JAM3: variants seen among roughly 807,000 people sequenced by gnomAD.
JAM3 encodes the protein junctional adhesion molecule 3.
In JAM3, 31 loss-of-function variants were observed where a neutral mutation model predicts 39.4. That is an observed-to-expected ratio of 0.79 (90% CI 0.59 to 1.06). JAM3 has a LOEUF of 1.06. Among genes scored for constraint, JAM3 ranks in the 50% least tolerant of loss-of-function variants. The pLI, the probability that JAM3 is intolerant of heterozygous loss-of-function variation, is 0.00. For synonymous variants in JAM3, 182 were observed against 148.7 expected (o/e 1.22, Z -1.63); for missense variants, 455 against 391.4 (o/e 1.16, Z -1.37).
At chr11:134,092,291 A>G (rs1941876934) in intron 1 of JAM3, among the ~76,000 whole-genome samples, 1 of 151,598 alleles carries the variant, frequency 6.6e-6, no homozygotes, top group Admixed American at 6.6e-5. Context: ...CTTATTCATC[A>G]TGTTCCACCT....
chr11:134,144,945 C>T lies in JAM3; in HGVS notation c.563C>T (p.Pro188Leu), dbSNP rs755105692. ...VPLPTDSRAN[P>L]RFRNSSFHLN... ...CTGCCCACGGATTCCAGAGCCAATC[C>T]CAGATTTCGCAATTCTTCTTTCCAC... The change falls in exon 5 of 9, where the codon CCC (proline) becomes CTC (leucine). Residue 188 changes from proline to leucine, a missense_variant. Transcript: ENST00000299106. The T allele has an allele frequency of 1.2e-6, 2 of 1,614,170 alleles. No individual in the cohort carries two copies. Among genetic ancestry groups the T allele is most frequent in the Admixed American group, 3.3e-5 (2 of 60,028 alleles).
intron 1 of JAM3, among the ~76,000 whole-genome samples, chr11:134,096,424 G>A (rs1285768677): frequency 6.6e-6 from 1 of 152,196 alleles, no homozygotes; most frequent in Non-Finnish European, 1.5e-5. Context: ...ATCTGGTTGA[G>A]ACAAACAATA....
chr11:134,074,624 A>G (rs1435874188), intron 1 of JAM3, among the ~76,000 whole-genome samples: 1 of 152,132 alleles, frequency 6.6e-6, no homozygotes. Flanking sequence ...AGCTGCCGAG[A>G]TTACCGGCCT....
intron 1 of JAM3, among the ~76,000 whole-genome samples, chr11:134,089,900 A>G (rs371806316): frequency 1.3e-5 from 2 of 151,934 alleles, no homozygotes; most frequent in South Asian, 2.1e-4. Flanking sequence ...TTCCACAATG[A>G]TTGAACTAGT....
intron 1 of JAM3, among the ~76,000 whole-genome samples, chr11:134,138,994 A>G (rs1016398529): frequency 2.0e-5 from 3 of 152,150 alleles, no homozygotes; most frequent in African/African-American, 7.2e-5. Context: ...GGACCCAGAG[A>G]CCTTCATCAA....
intron 1 of JAM3, among the ~76,000 whole-genome samples, chr11:134,086,416 A>G (rs1021686400): frequency 7.5e-5 from 11 of 146,962 alleles, no homozygotes; most frequent in African/African-American, 2.8e-4. Context: ...TTTTTTTTTT[A>G]AAGAAAACAA....
intron 1 of JAM3, among the ~76,000 whole-genome samples, chr11:134,072,483 T>C (rs1941498357): frequency 6.6e-6 from 1 of 152,162 alleles, no homozygotes; most frequent in South Asian, 2.1e-4. Flanking sequence ...ATTTTTTTAT[T>C]GTTTTTAGTA....
intron 1 of JAM3, among the ~76,000 whole-genome samples, chr11:134,123,568 A>G (rs1253219707): frequency 1.3e-5 from 2 of 152,372 alleles, no homozygotes; most frequent in East Asian, 1.9e-4. Flanking sequence ...CAGAAATTCA[A>G]ACTCCAAAAC....
rs560875257 is a variant in JAM3, at chr11:134,084,288, C to T, written c.76+15129C>T. Reference sequence around the variant, plus strand: ...TAATGGATCTCTTCACTGAGGTGATCTCTTCCTCTTCTGAATTCCTATCAT... The same window carrying T: ...TAATGGATCTCTTCACTGAGGTGATTTCTTCCTCTTCTGAATTCCTATCAT... On this transcript the variant is annotated intron_variant, in intron 1 of 8. Coordinates refer to ENST00000299106, the MANE Select transcript of JAM3 (RefSeq NM_032801.5). Among the ~76,000 whole-genome samples the T allele has an allele frequency of 2.6e-5, 4 of 152,340 alleles. No individual in the cohort carries two copies. The East Asian group carries it at 7.7e-4, about 29-fold the overall frequency.
intron 5 of JAM3, 112 bp from the exon 6 acceptor site, chr11:134,145,834 A>G (rs972829294): frequency 6.5e-6 from 5 of 772,408 alleles, no homozygotes; most frequent in Admixed American, 1.7e-5. Context: ...AGTGCTGGGG[A>G]AGCTGAAAGC....
At chr11:134,095,232 G>A (rs958931467) in intron 1 of JAM3, among the ~76,000 whole-genome samples, 20 of 152,134 alleles carry the variant, frequency 1.3e-4, no homozygotes. Flanking sequence ...TCTAAATGAA[G>A]AAATACACCT....
At chr11:134,086,672 T>C (rs1447404651) in intron 1 of JAM3, among the ~76,000 whole-genome samples, 2 of 152,134 alleles carry the variant, frequency 1.3e-5, no homozygotes, top group East Asian at 1.9e-4. Flanking sequence ...GCTTATTAAA[T>C]AAATAGCTAT....
Position 134,146,063 on chromosome 11 carries a change from A to G in JAM3, c.712+18A>G, listed in dbSNP as rs1210482903. On this transcript the variant is annotated intron_variant, in intron 6 of 8. Coordinates refer to ENST00000299106, the MANE Select transcript of JAM3 (RefSeq NM_032801.5). ...GGAAGTCTGTGAGTTTCTTTTTTGA[A>G]GAGGTTTCATCGCAAGACTGGGAAG... 6.5e-7 allele frequency: 1 copy of G among 1,539,832 alleles called. No homozygotes were observed. Among genetic ancestry groups the G allele is most frequent in the Non-Finnish European group, 9.0e-7 (1 of 1,112,314 alleles).
chr11:134,139,928 C>G lies in JAM3; in HGVS notation c.142+12C>G, dbSNP rs1261997573. 2.5e-6 allele frequency: 4 copies of G among 1,603,454 alleles called. No homozygotes were observed. Among genetic ancestry groups the G allele is most frequent in the Non-Finnish European group, 3.4e-6 (4 of 1,170,436 alleles). ...ACAGGAATTTGAAAGTAAGTACAAACGAAATGCCTAGGATAATGGGCACCA... is the reference window on the plus strand; with the variant it reads ...ACAGGAATTTGAAAGTAAGTACAAAGGAAATGCCTAGGATAATGGGCACCA... On this transcript the variant is annotated intron_variant, in intron 2 of 8. Coordinates refer to ENST00000299106, the MANE Select transcript of JAM3 (RefSeq NM_032801.5).
At chr11:134,087,349 G>A (rs994756379) in intron 1 of JAM3, among the ~76,000 whole-genome samples, 9 of 152,278 alleles carry the variant, frequency 5.9e-5, no homozygotes, top group Middle Eastern at 3.4e-3. Context: ...TTCAAGAAAT[G>A]CTGAAAGAAA....
chr11:134,139,305 G>A (rs545644710), intron 1 of JAM3, among the ~76,000 whole-genome samples: 1 of 152,278 alleles, frequency 6.6e-6, no homozygotes, highest in South Asian at 2.1e-4. Context: ...AACAAAGACC[G>A]GTGAAAACTT....
At position 134,148,043 on chromosome 11, in the gene JAM3, C is replaced by G. The variant is rs1943111108; in HGVS notation, c.713-504C>G. On this transcript the variant is annotated intron_variant, in intron 6 of 8. Coordinates refer to ENST00000299106, the MANE Select transcript of JAM3 (RefSeq NM_032801.5). ...GGCTTATAGATCGGAGGTCAGGCAGCCGGCAGAGACAAAGCTCTAGTTCTT... is the reference window on the plus strand; with the variant it reads ...GGCTTATAGATCGGAGGTCAGGCAGGCGGCAGAGACAAAGCTCTAGTTCTT... 3 of 193,660 alleles carry G rather than the reference C, an allele frequency of 1.5e-5. No individual in the cohort carries two copies. In the South Asian group the frequency reaches 3.0e-4, roughly 19 times the overall value. The allele number at this position is 193,660 out of a possible 1,614,324, so 12.0% of individuals were successfully genotyped here. A position where few individuals can be genotyped will look rare whatever the true frequency, so the allele number is the denominator to read the frequency against.
At chr11:134,140,097 G>C (rs79808512) in intron 2 of JAM3, among the ~76,000 whole-genome samples, 181 bp downstream of exon 2, 3 of 152,182 alleles carry the variant, frequency 2.0e-5, no homozygotes, top group African/African-American at 7.2e-5. Context: ...GCCCTGTGCA[G>C]TTTTCCATCA....
chr11:134,083,518 T>G (rs544071771), intron 1 of JAM3, among the ~76,000 whole-genome samples: 1 of 152,346 alleles, frequency 6.6e-6, no homozygotes, highest in Non-Finnish European at 1.5e-5. Context: ...GGAGTGTTTT[T>G]GTTTTGCTCT....
Sources: allele counts gnomAD v4.1 joint callset (sites outside exome capture counted in the v4.1 genomes callset), GRCh38; gene constraint gnomAD v4.1.1; transcripts MANE v1.5; gene names NCBI Gene and HGNC (gene_info 2026-07-23, HGNC 2026-07-21).